LARGE1: variants seen among roughly 807,000 people sequenced by gnomAD.
LARGE1 encodes LARGE xylosyl- and glucuronyltransferase 1.
In LARGE1, 43 loss-of-function variants were observed where a neutral mutation model predicts 87.6. The ratio of observed to expected loss-of-function variants is 0.49; its 90% CI spans 0.38 to 0.63. The LOEUF (loss-of-function observed/expected upper bound fraction) is 0.63, where lower values mean the gene tolerates loss of function less well. LARGE1 is among the 30% of genes least tolerant of loss of function. The pLI, the probability that LARGE1 is intolerant of heterozygous loss-of-function variation, is 0.00. For synonymous variants in LARGE1, 434 were observed against 394.6 expected, an observed-to-expected ratio of 1.10 and a Z score of -1.18; for missense variants, 802 against 1,000.2, an observed-to-expected ratio of 0.80 and a Z score of 2.67.
intron 4 of LARGE1, among the ~76,000 whole-genome samples, chr22:33,615,420 A>C (rs765675190): frequency 6.6e-6 from 1 of 152,244 alleles, no homozygotes; most frequent in Non-Finnish European, 1.5e-5. Context: ...ACATTGGGTT[A>C]GGTAATTGTT....
At chr22:33,901,736 C>G (rs1228195659) in intron 1 of LARGE1, among the ~76,000 whole-genome samples, 1 of 152,164 alleles carries the variant, frequency 6.6e-6, no homozygotes, top group Non-Finnish European at 1.5e-5. Context: ...TCGATGTTGG[C>G]AGATAAAGGG....
At chr22:33,782,592 C>A (rs778604261) in intron 1 of LARGE1, among the ~76,000 whole-genome samples, 1 of 152,098 alleles carries the variant, frequency 6.6e-6, no homozygotes, top group African/African-American at 2.4e-5. Context: ...TTGGGCTGGG[C>A]GCGGTGGCTC....
At chr22:33,789,650 T>G (rs552021643) in intron 1 of LARGE1, among the ~76,000 whole-genome samples, 13 of 152,318 alleles carry the variant, frequency 8.5e-5, no homozygotes. Context: ...GCCCACCTCT[T>G]GCATCAGCAT....
the LARGE1 span, among the ~76,000 whole-genome samples, chr22:33,132,903 G>A: frequency 6.6e-6 from 1 of 152,056 alleles, no homozygotes; most frequent in Non-Finnish European, 1.5e-5. Context: ...TTCTTTTTTA[G>A]GCTCTGGTTA....
chr22:33,586,748 C>T (rs539956358), intron 5 of LARGE1, among the ~76,000 whole-genome samples: 21 of 152,338 alleles, frequency 1.4e-4, no homozygotes, highest in South Asian at 1.2e-3. Context: ...TGAGCCACCG[C>T]GCCCAGCTGA....
At chr22:33,771,024 T>C (rs550234530) in intron 1 of LARGE1, among the ~76,000 whole-genome samples, 2 of 152,174 alleles carry the variant, frequency 1.3e-5, no homozygotes, top group African/African-American at 4.8e-5. Flanking sequence ...TGGTTTAAAA[T>C]GTCAATATCC....
intron 11 of LARGE1, among the ~76,000 whole-genome samples, chr22:33,209,872 C>T (rs1457745671): frequency 1.3e-5 from 2 of 152,180 alleles, no homozygotes; most frequent in Non-Finnish European, 2.9e-5. Context: ...TGGTCTCGAA[C>T]TCCTGGCCTC....
At position 33,410,122 on chromosome 22, in the gene LARGE1, C is replaced by T. The variant is rs371059272; in HGVS notation, c.892+22039G>A. Among the ~76,000 whole-genome samples, 3 of 152,218 alleles carry T rather than the reference C, an allele frequency of 2.0e-5. No homozygotes were observed. In the East Asian group the frequency reaches 5.8e-4, roughly 29 times the overall value. On this transcript the variant is annotated intron_variant, in intron 7 of 14. Coordinates refer to ENST00000397394, the MANE Select transcript of LARGE1 (RefSeq NM_133642.5). ...AAGGAAGAGTCTCACCCTAGAGGTT[C>T]TAATTTAAGTGGTCTGAGATAAGCC...
chr22:33,330,212 A>C (rs1937577364), intron 10 of LARGE1, among the ~76,000 whole-genome samples: 2 of 152,258 alleles, frequency 1.3e-5, no homozygotes, highest in South Asian at 4.1e-4. Context: ...CCTATTAGGG[A>C]TACTGTGGAA....
chr22:33,166,056 AT>A, exon 12 of LARGE1: 1 of 152,388 alleles, frequency 6.6e-6, no homozygotes, highest in South Asian at 2.1e-4. Flanking sequence ...TGGGAAAATG[AT>A]GCTTATGATG....
chr22:33,721,094 T>G (rs1310330601), intron 2 of LARGE1, among the ~76,000 whole-genome samples: 1 of 152,176 alleles, frequency 6.6e-6, no homozygotes, highest in African/African-American at 2.4e-5. Context: ...AATTCAACAG[T>G]GTGGTGTCAA....
the LARGE1 span, among the ~76,000 whole-genome samples, chr22:33,075,089 A>G: frequency 6.6e-6 from 1 of 152,222 alleles, no homozygotes; most frequent in Non-Finnish European, 1.5e-5. Context: ...TGAACTATTA[A>G]CCATTATGCA....
intron 5 of LARGE1, among the ~76,000 whole-genome samples, chr22:33,584,545 C>G (rs1165858403): frequency 6.6e-6 from 1 of 152,188 alleles, no homozygotes; most frequent in Non-Finnish European, 1.5e-5. Context: ...TCAGCAAATC[C>G]TTATCCACTG....
intron 9 of LARGE1, among the ~76,000 whole-genome samples, chr22:33,343,822 G>A (rs1369699012): frequency 1.3e-5 from 2 of 152,112 alleles, no homozygotes; most frequent in African/African-American, 4.8e-5. Flanking sequence ...ATTAGTCAGG[G>A]TTCTCTAGAG....
chr22:33,287,215 T>G (rs1452686549), intron 12 of LARGE1, among the ~76,000 whole-genome samples: 1 of 152,236 alleles, frequency 6.6e-6, no homozygotes, highest in African/African-American at 2.4e-5. Context: ...GATTTGTTTG[T>G]ATTTTACTTA....
chr22:33,139,450 A>G, the LARGE1 span, among the ~76,000 whole-genome samples: 1 of 151,464 alleles, frequency 6.6e-6, no homozygotes, highest in Non-Finnish European at 1.5e-5. Flanking sequence ...GGGGTCCTTC[A>G]TTTCTCTCAG....
chr22:33,574,341 G>A (rs1415048766), intron 5 of LARGE1, among the ~76,000 whole-genome samples: 2 of 152,018 alleles, frequency 1.3e-5, no homozygotes, highest in South Asian at 2.1e-4. Flanking sequence ...ATCATCTCTA[G>A]ATTACTTATA....
chr22:33,717,523 G>A (rs993620362), intron 2 of LARGE1, among the ~76,000 whole-genome samples: 1 of 152,070 alleles, frequency 6.6e-6, no homozygotes, highest in African/African-American at 2.4e-5. Flanking sequence ...TATAATCTTG[G>A]AGAAATCCAG....
intron 7 of LARGE1, among the ~76,000 whole-genome samples, chr22:33,386,866 C>T (rs2065342605): frequency 6.7e-6 from 1 of 148,640 alleles, no homozygotes; most frequent in Non-Finnish European, 1.5e-5. Flanking sequence ...CTTTGGGAGG[C>T]CAAGGTGGGT....
Sources: gnomAD v4.1 joint callset for allele counts (sites outside exome capture counted in the v4.1 genomes callset) on GRCh38, gnomAD v4.1.1 for gene constraint, MANE v1.5 for transcripts, NCBI Gene and HGNC (gene_info 2026-07-23, HGNC 2026-07-21) for gene names.